CLUL1: variants seen among roughly 807,000 people sequenced by gnomAD.
CLUL1 encodes the protein clusterin like 1, also known as clusterin-like protein 1.
CLUL1 carries 43 observed loss-of-function variants against 49.4 expected under a neutral mutation model. That is an observed-to-expected ratio of 0.87 (90% CI 0.68 to 1.12). The LOEUF (loss-of-function observed/expected upper bound fraction) is 1.12. Among genes scored for constraint, CLUL1 ranks in the 50% most tolerant of loss-of-function variants. The pLI is 0.00. For synonymous variants in CLUL1, 192 were observed against 184.9 expected (o/e 1.04, Z -0.31); for missense variants, 486 against 544.4 (o/e 0.89, Z 1.07).
intron 5 of CLUL1, among the ~76,000 whole-genome samples, 172 bp from the exon 6 acceptor site, chr18:626,907 GAAAGAAAGAAAGAAAGAA>G (rs2073760403): frequency 4.0e-5 from 1 of 25,180 alleles, no homozygotes; most frequent in Non-Finnish European, 7.2e-5. Context: ...AAGAAAGAAA[GAAAGAAAGAAAGAAAGAA>G]AGAAGGAAAG....
At chr18:623,185 A>G (rs2073554573) in intron 4 of CLUL1, among the ~76,000 whole-genome samples, 1 of 152,046 alleles carries the variant, frequency 6.6e-6, no homozygotes, top group Non-Finnish European at 1.5e-5. Flanking sequence ...GGCACCCACC[A>G]TCATGACCAG....
At chr18:642,561 A>G (rs1341346719) in intron 8 of CLUL1, among the ~76,000 whole-genome samples, 1 of 152,182 alleles carries the variant, frequency 6.6e-6, no homozygotes, top group African/African-American at 2.4e-5. Context: ...CCTCCAACAC[A>G]CACACATTAC....
chr18:628,831 C>A (rs150400389), intron 6 of CLUL1, among the ~76,000 whole-genome samples: 1 of 151,800 alleles, frequency 6.6e-6, no homozygotes, highest in African/African-American at 2.4e-5. Context: ...AGGGGTTTCA[C>A]CATGTTGGCC....
At chr18:601,763 C>T (rs955141284) in intron 1 of CLUL1, among the ~76,000 whole-genome samples, 4 of 151,832 alleles carry the variant, frequency 2.6e-5, no homozygotes, top group African/African-American at 9.7e-5. Flanking sequence ...GGGACGAGAT[C>T]GTGCCACTGC....
intron 8 of CLUL1, among the ~76,000 whole-genome samples, chr18:642,521 GCAAGT>G (rs1396739233): frequency 1.3e-5 from 2 of 152,252 alleles, no homozygotes; most frequent in East Asian, 3.9e-4. Context: ...TGCATAACAT[GCAAGT>G]GACTTTTCTT....
intron 9 of CLUL1, among the ~76,000 whole-genome samples, chr18:649,438 G>A (rs570736598): frequency 3.6e-4 from 55 of 152,150 alleles, no homozygotes; most frequent in Non-Finnish European, 5.9e-4. Context: ...CATAGCTGCC[G>A]GCCCTGGGAT....
At chr18:642,395 G>A (rs1031109252) in intron 8 of CLUL1, among the ~76,000 whole-genome samples, 12 of 152,264 alleles carry the variant, frequency 7.9e-5, no homozygotes, top group African/African-American at 2.4e-4. Context: ...TCGTGCCACT[G>A]CACTCCAGCC....
intron 6 of CLUL1, among the ~76,000 whole-genome samples, chr18:628,965 C>A (rs1193035887): frequency 6.6e-6 from 1 of 152,076 alleles, no homozygotes; most frequent in Non-Finnish European, 1.5e-5. Context: ...CCACTCCTGA[C>A]CCTATCTGAC....
intron 6 of CLUL1, 42 bp from the exon 7 acceptor site, chr18:633,256 A>G: frequency 6.5e-7 from 1 of 1,536,260 alleles, no homozygotes; most frequent in Non-Finnish European, 8.8e-7. Flanking sequence ...TCAAAGTGCA[A>G]ACTCTTATGA....
At chr18:636,811 G>A (rs1299457082) in intron 7 of CLUL1, among the ~76,000 whole-genome samples, 1 of 151,608 alleles carries the variant, frequency 6.6e-6, no homozygotes, top group Non-Finnish European at 1.5e-5. Context: ...ATTTTTAGTA[G>A]AGATGGGGTT....
chr18:626,864 T>TAAGAAAGAAAGAAAGA (rs1555633334), intron 5 of CLUL1, among the ~76,000 whole-genome samples: 1 of 70,798 alleles, frequency 1.4e-5, no homozygotes, highest in Non-Finnish European at 2.8e-5. Flanking sequence ...CCATCTCAAA[T>TAAGAAAGAAAGAAAGA]AAGAAAGAAA....
At position 606,227 on chromosome 18, in the gene CLUL1, A is replaced by C. The variant is rs140316766; in HGVS notation, c.-135-751A>C. ...TCTCTTGGCATGACACTACCACCAC[A>C]GTGCAGACCCACAACAGGGAGAAGG... On this transcript the variant is annotated intron_variant, in intron 1 of 9. Transcript: ENST00000692774. This position sits in a 1 kb window ranked among gnomAD's most constrained non-coding sequence, Gnocchi z 4.1. Among the ~76,000 whole-genome samples the C allele has an allele frequency of 2.6e-4, 40 of 152,260 alleles. No individual in the cohort carries two copies. In the East Asian group the frequency reaches 7.2e-3, roughly 27 times the overall value.
In CLUL1 at chr18:605,681, T is replaced by C. The variant is rs114702211; in HGVS notation, c.-135-1297T>C. On this transcript the variant is annotated intron_variant, in intron 1 of 9. Transcript: ENST00000692774. ...CAGTATAGTGGTTTTTTTGTTGTTG[T>C]TTGTTTTATTTTTGAGAAAGGGTCT... 3.2e-3 allele frequency among the ~76,000 whole-genome samples: 489 copies of C among 152,238 alleles called. 6 individuals carry two copies. Among genetic ancestry groups the C allele is most frequent in the African/African-American group, 0.011 (469 of 41,544 alleles).
intron 9 of CLUL1, among the ~76,000 whole-genome samples, chr18:645,722 A>G (rs1200690392): frequency 7.0e-5 from 10 of 142,576 alleles, no homozygotes; most frequent in East Asian, 4.4e-4. Flanking sequence ...TGAACCCGGG[A>G]GGCAGAGCTT....
At chr18:614,334 G>A (rs9652949) in intron 2 of CLUL1, among the ~76,000 whole-genome samples, 2,048 of 146,056 alleles carry the variant, frequency 0.014, 52 homozygotes, top group African/African-American at 0.05. Flanking sequence ...AAGGAAGGGA[G>A]GGAAGGAAGG....
intron 9 of CLUL1, among the ~76,000 whole-genome samples, chr18:645,817 A>ATATATG (rs2074486552): frequency 1.6e-5 from 1 of 63,090 alleles, no homozygotes; most frequent in Non-Finnish European, 3.0e-5. Flanking sequence ...AAAAATATAT[A>ATATATG]TATATATATA....
At chr18:632,493 G>T in intron 6 of CLUL1, among the ~76,000 whole-genome samples, 1 of 152,226 alleles carries the variant, frequency 6.6e-6, no homozygotes, top group East Asian at 1.9e-4. Flanking sequence ...TTATTAAAGA[G>T]TTTTTTAAAA....
At chr18:642,483 T>C (rs1047244719) in intron 8 of CLUL1, among the ~76,000 whole-genome samples, 4 of 152,138 alleles carry the variant, frequency 2.6e-5, no homozygotes, top group African/African-American at 9.7e-5. Context: ...ACCTATACCA[T>C]GACTCCCAGA....
Position 613,465 on chromosome 18 carries a change from T to C in CLUL1, c.-13-4523T>C, listed in dbSNP as rs150629361. ...AATTTTAGTTTAGTCTGAATTTTTTTTTTTTTTGAGATGGAGTCTCGCTCT... is the reference window on the plus strand; with the variant it reads ...AATTTTAGTTTAGTCTGAATTTTTTCTTTTTTTGAGATGGAGTCTCGCTCT... On this transcript the variant is annotated intron_variant, in intron 2 of 9. Coordinates refer to ENST00000692774, the MANE Select transcript of CLUL1 (RefSeq NM_001393344.1). 4.4e-3 allele frequency among the ~76,000 whole-genome samples: 656 copies of C among 147,452 alleles called. 7 individuals are homozygous for C. Among genetic ancestry groups the C allele is most frequent in the African/African-American group, 0.016 (624 of 39,762 alleles).
Sources: allele counts gnomAD v4.1 joint callset (sites outside exome capture counted in the v4.1 genomes callset), GRCh38; gene constraint gnomAD v4.1.1; non-coding constraint Gnocchi (gnomAD v3.1); transcripts MANE v1.5; gene names NCBI Gene and HGNC (gene_info 2026-07-23, HGNC 2026-07-21).